NFU1: variants seen among roughly 807,000 people sequenced by gnomAD.
The protein encoded by NFU1 is NFU1 iron-sulfur cluster scaffold homolog, mitochondrial.
In NFU1, 30 loss-of-function variants were observed where a neutral mutation model predicts 32.2. That is an observed-to-expected ratio of 0.93 (90% CI 0.70 to 1.26). NFU1 has a LOEUF of 1.26. NFU1 is among the 50% of genes most tolerant of loss of function. NFU1 has a pLI of 0.00. For missense variants in NFU1, 306 were observed against 306.6 expected, an observed-to-expected ratio of 1.00 and a Z score of 0.02; for synonymous variants, 112 against 104.6, an observed-to-expected ratio of 1.07 and a Z score of -0.43.
intron 3 of NFU1, among the ~76,000 whole-genome samples, chr2:69,421,859 G>C (rs1223703712): frequency 6.6e-6 from 1 of 151,926 alleles, no homozygotes; most frequent in Non-Finnish European, 1.5e-5. Flanking sequence ...ACCGCACCTG[G>C]CCCTGTTCTT....
At chr2:69,413,756 C>G (rs552385792) in intron 5 of NFU1, among the ~76,000 whole-genome samples, 1 of 151,542 alleles carries the variant, frequency 6.6e-6, no homozygotes, top group African/African-American at 2.4e-5. Context: ...AAGACTCTGT[C>G]TCAAAAATAA....
chr2:69,420,230 C>T (rs1237164434), intron 3 of NFU1, among the ~76,000 whole-genome samples: 1 of 152,112 alleles, frequency 6.6e-6, no homozygotes, highest in Non-Finnish European at 1.5e-5. Flanking sequence ...GTCTCAACTC[C>T]TGACCTCAGG....
chr2:69,420,836 G>A (rs2104784675), intron 3 of NFU1, among the ~76,000 whole-genome samples: 1 of 152,226 alleles, frequency 6.6e-6, no homozygotes, highest in East Asian at 1.9e-4. Context: ...TTGTAAGGGT[G>A]AAAAAATAGT....
intron 5 of NFU1, among the ~76,000 whole-genome samples, chr2:69,410,184 T>A (rs990834494): frequency 6.6e-6 from 1 of 151,830 alleles, no homozygotes; most frequent in Non-Finnish European, 1.5e-5. Flanking sequence ...AGGTCAGGAG[T>A]TCTAGAGCAG....
At chr2:69,425,716 C>T (rs1673433460) in intron 2 of NFU1, among the ~76,000 whole-genome samples, 1 of 151,716 alleles carries the variant, frequency 6.6e-6, no homozygotes, top group Non-Finnish European at 1.5e-5. Flanking sequence ...AAACTCCTTG[C>T]CTCGAGTGAT....
At chr2:69,415,905 T>C (rs555403124) in intron 4 of NFU1, among the ~76,000 whole-genome samples, 3 of 152,230 alleles carry the variant, frequency 2.0e-5, no homozygotes, top group South Asian at 4.1e-4. Context: ...GGCAAGAGGA[T>C]TGCTTGAGTC....
chr2:69,425,160 G>A (rs1239198177), intron 2 of NFU1, among the ~76,000 whole-genome samples: 2 of 151,656 alleles, frequency 1.3e-5, no homozygotes, highest in Non-Finnish European at 2.9e-5. Flanking sequence ...TTACAGGTGT[G>A]AGCCACCGCG....
At chr2:69,423,205 GT>G (rs1162003129) in intron 3 of NFU1, among the ~76,000 whole-genome samples, 2 of 106,640 alleles carry the variant, frequency 1.9e-5, no homozygotes, top group African/African-American at 8.2e-5. Context: ...CTGTGTGTGT[GT>G]GTGGGGGGGG....
At chr2:69,431,054 C>A (rs1673622287) in intron 2 of NFU1, among the ~76,000 whole-genome samples, 2 of 152,178 alleles carry the variant, frequency 1.3e-5, no homozygotes, top group South Asian at 4.1e-4. Flanking sequence ...TAAATCATAT[C>A]TATTTCCCAA....
intron 2 of NFU1, among the ~76,000 whole-genome samples, chr2:69,426,827 G>C (rs962798358): frequency 6.6e-6 from 1 of 151,684 alleles, no homozygotes; most frequent in African/African-American, 2.4e-5. Flanking sequence ...CCAGCACTTT[G>C]GGAGGCCGAG....
upstream of NFU1, among the ~76,000 whole-genome samples, chr2:69,439,475 C>T (rs1237638370): frequency 6.6e-6 from 1 of 152,188 alleles, no homozygotes; most frequent in Non-Finnish European, 1.5e-5. Context: ...ATAAAGACAG[C>T]ACGGGCCCAA....
In NFU1 at chr2:69,396,749, A is replaced by C. The variant is rs1473198457; in HGVS notation, c.721-459T>G. ...TTGTCTCAAAGAGGCTACCCATAGC[A>C]GAGTCTCAGCTGGGCAGAAAAGACT... On this transcript the variant is annotated intron_variant, in intron 7 of 7. Transcript: ENST00000410022. 3.9e-5 allele frequency among the ~76,000 whole-genome samples: 6 copies of C among 152,214 alleles called. No homozygotes were observed. The East Asian group carries it at 1.2e-3, about 29-fold the overall frequency.
chr2:69,439,385 G>A (rs897592648), upstream of NFU1, among the ~76,000 whole-genome samples: 10 of 152,286 alleles, frequency 6.6e-5, no homozygotes, highest in South Asian at 4.1e-4. Flanking sequence ...TGTGTCCGGA[G>A]TTTGTTTCTT....
rs374693682 is a variant in NFU1, at chr2:69,400,376, T to C, written c.708A>G (p.Glu236=). The stretch of plus-strand genomic sequence containing the variant: ...AATATTGGCATACCTGTTCTACGCC[T>C]TCTACCTCCGGAATATAAAACTGCA... The part of the protein sequence containing the change: ...NMLQFYIPEV[E]GVEQVMDDES... Residue 236 remains glutamate, a synonymous_variant, in exon 7 of 8, where the codon GAA becomes GAG. Coordinates refer to ENST00000410022, the MANE Select transcript of NFU1 (RefSeq NM_001002755.4). The C allele has an allele frequency of 9.3e-6, 15 of 1,613,926 alleles. No individual in the cohort carries two copies. In the African/African-American group the frequency reaches 1.9e-4, roughly 20 times the overall value.
At chr2:69,429,963 A>G in intron 2 of NFU1, 1 of 315,020 alleles carries the variant, frequency 3.2e-6, no homozygotes, top group Non-Finnish European at 6.4e-6. Context: ...CAGGAGGCGG[A>G]GGTTACAGTG....
chr2:69,403,484 G>C (rs184467733), intron 6 of NFU1, among the ~76,000 whole-genome samples: 1 of 151,582 alleles, frequency 6.6e-6, no homozygotes, highest in Non-Finnish European at 1.5e-5. Context: ...TCAATCTCCC[G>C]GGCTCAAGCA....
chr2:69,410,904 T>G (rs1326066455), intron 5 of NFU1: 1 of 152,170 alleles, frequency 6.6e-6, no homozygotes, highest in Non-Finnish European at 1.5e-5. Flanking sequence ...GGTCATTAAA[T>G]TTACAAGGAA....
At chr2:69,403,051 CTCTT>C (rs1672579119) in intron 6 of NFU1, among the ~76,000 whole-genome samples, 1 of 147,658 alleles carries the variant, frequency 6.8e-6, no homozygotes, top group African/African-American at 2.5e-5. Context: ...TTCTCTTTCT[CTCTT>C]TCTTTCATTG....
intron 6 of NFU1, among the ~76,000 whole-genome samples, chr2:69,401,644 A>G (rs939838446): frequency 2.6e-5 from 4 of 152,222 alleles, no homozygotes; most frequent in Non-Finnish European, 5.9e-5. Flanking sequence ...TTGCTGAATA[A>G]AGAGTATGAA....
Sources: gnomAD v4.1 joint callset for allele counts (sites outside exome capture counted in the v4.1 genomes callset) on GRCh38, gnomAD v4.1.1 for gene constraint, MANE v1.5 for transcripts, NCBI Gene and HGNC (gene_info 2026-07-23, HGNC 2026-07-21) for gene names.